EPHA7: variants seen among roughly 807,000 people sequenced by gnomAD.
EPHA7 encodes ephrin type-A receptor 7.
A neutral mutation model predicts 112.6 loss-of-function variants in EPHA7; 25 were observed. That is an observed-to-expected ratio of 0.22 (90% confidence interval 0.16 to 0.31). The LOEUF is 0.31. EPHA7 is among the 10% of genes least tolerant of loss of function. EPHA7 has a pLI of 1.00. For synonymous variants in EPHA7, 437 were observed against 406.5 expected, an observed-to-expected ratio of 1.07 and a Z score of -0.90; for missense variants, 962 against 1,212.6, an observed-to-expected ratio of 0.79 and a Z score of 3.07.
chr6:93,405,083 A>T (rs1219162553), intron 3 of EPHA7, among the ~76,000 whole-genome samples: 1 of 151,892 alleles, frequency 6.6e-6, no homozygotes, highest in Non-Finnish European at 1.5e-5. Flanking sequence ...AGATGTTTTG[A>T]ATTATAGACA....
chr6:93,378,557 T>C (rs1342062517), intron 3 of EPHA7, among the ~76,000 whole-genome samples: 1 of 152,124 alleles, frequency 6.6e-6, no homozygotes, highest in Non-Finnish European at 1.5e-5. Context: ...TCTACTCTTA[T>C]ACTTTTCACT....
rs183001112 is a variant in EPHA7, at chr6:93,402,998, C to T, written c.832+7503G>A. Among the ~76,000 whole-genome samples, 376 of 152,070 alleles carry T rather than the reference C, an allele frequency of 2.5e-3. 2 individuals carry two copies. The highest frequency in any genetic ancestry group is 7.8e-3 in the African/African-American group (323 of 41,530). Reference sequence around the variant, plus strand: ...ACAGTAAGAAAGCATGAGAATGTGACAATAGATAACAGTTATATTATCTTC... The same window carrying T: ...ACAGTAAGAAAGCATGAGAATGTGATAATAGATAACAGTTATATTATCTTC... On this transcript the variant is annotated intron_variant, in intron 3 of 16. Transcript: ENST00000369303.
rs180723922 is a variant in EPHA7, at chr6:93,302,453, C to T, written c.1325-30031G>A. ...AGACCTCATCATTACTCTTTTTATA[C>T]TTAACAATTTCCAGGGTGCCACTCT... On this transcript the variant is annotated intron_variant, in intron 5 of 16. Coordinates refer to ENST00000369303, the MANE Select transcript of EPHA7 (RefSeq NM_004440.4). Among the ~76,000 whole-genome samples the T allele has an allele frequency of 4.9e-4, 75 of 152,202 alleles. 1 individual carries two copies. Among genetic ancestry groups the T allele is most frequent in the African/African-American group, 1.6e-3 (65 of 41,540 alleles).
chr6:93,355,028 TCCAC>T (rs1775876088), intron 5 of EPHA7, among the ~76,000 whole-genome samples: 1 of 62,990 alleles, frequency 1.6e-5, no homozygotes, highest in Non-Finnish European at 2.7e-5. Context: ...ACGTTTCAAA[TCCAC>T]TCACTGCAAA....
intron 3 of EPHA7, among the ~76,000 whole-genome samples, chr6:93,375,306 CT>C (rs1776998431): frequency 6.6e-6 from 1 of 151,958 alleles, no homozygotes; most frequent in Non-Finnish European, 1.5e-5. Context: ...ACAAAAACAA[CT>C]TAACAAGACT....
chr6:93,242,665 G>C lies in EPHA7; in HGVS notation c.*761C>G, dbSNP rs1769739856. 4.5e-6 allele frequency: 1 copy of C among 220,328 alleles called. No homozygotes were observed. The highest frequency in any genetic ancestry group is 5.8e-5 in the Admixed American group (1 of 17,302). The allele number at this position is 220,328 out of a possible 1,614,324, so 13.6% of individuals were successfully genotyped here. On this transcript the variant is annotated 3_prime_UTR_variant, in exon 17 of 17. Transcript: ENST00000369303. ...GTTAAAAGTGCCTTATAGTATGTAT[G>C]GATCATTATTGCTTTTTTCATTGAA...
chr6:93,385,928 G>C (rs1352467892), intron 3 of EPHA7, among the ~76,000 whole-genome samples: 2 of 152,142 alleles, frequency 1.3e-5, no homozygotes, highest in Admixed American at 6.5e-5. Flanking sequence ...GAGAAGTGCA[G>C]AGTGGAGTCA....
chr6:93,263,855 C>G lies in EPHA7; in HGVS notation c.1798+5G>C. 6.2e-7 allele frequency: 1 copy of G among 1,608,608 alleles called. No individual in the cohort carries two copies. Among genetic ancestry groups the G allele is most frequent in the Non-Finnish European group, 8.5e-7 (1 of 1,176,614 alleles). Reference sequence around the variant, plus strand: ...CATCATAATAAAGAAAAGCCAAACACTTACAATGAAAGTAAAGCTCTTCAT... The same window carrying G: ...CATCATAATAAAGAAAAGCCAAACAGTTACAATGAAAGTAAAGCTCTTCAT... On this transcript the variant is annotated splice_donor_5th_base_variant and intron_variant, in intron 9 of 16. Transcript: ENST00000369303.
At chr6:93,370,639 C>A (rs1776741937) in intron 3 of EPHA7, among the ~76,000 whole-genome samples, 1 of 152,068 alleles carries the variant, frequency 6.6e-6, no homozygotes. Flanking sequence ...CATAAATACA[C>A]ATATATATTC....
rs375646884 is a variant in EPHA7 at position 93,255,900 on chromosome 6, G to A, written c.2310C>T (p.Leu770=). 13 of 1,614,010 alleles carry A rather than the reference G, an allele frequency of 8.1e-6. No individual in the cohort carries two copies. Among genetic ancestry groups the A allele is most frequent in the African/African-American group, 4.0e-5 (3 of 75,004 alleles). The change falls in exon 13 of 17, where the codon CTC becomes CTT. Residue 770 remains leucine (L), a synonymous_variant. Transcript: ENST00000369303. ...AARNILVNSN[L]VCKVSDFGLS... is the part of the protein sequence containing the mutation. ...GGCCAAAATCTGACACTTTACAAAC[G>A]AGATTGCTGTTGACAAGAATATTGC...
chr6:93,416,778 G>A (rs1779251233), intron 1 of EPHA7, among the ~76,000 whole-genome samples: 1 of 152,116 alleles, frequency 6.6e-6, no homozygotes, highest in Non-Finnish European at 1.5e-5. Flanking sequence ...AGTCCTGTGG[G>A]CCAACAGGTG....
chr6:93,346,120 A>C (rs1562112524), intron 5 of EPHA7, among the ~76,000 whole-genome samples: 1 of 151,590 alleles, frequency 6.6e-6, no homozygotes, highest in African/African-American at 2.4e-5. Flanking sequence ...AGTGCATAGG[A>C]ATTGGGATTG....
chr6:93,372,016 T>C (rs1776824893), intron 3 of EPHA7, among the ~76,000 whole-genome samples: 1 of 152,160 alleles, frequency 6.6e-6, no homozygotes, highest in Non-Finnish European at 1.5e-5. Flanking sequence ...CAATTTTTTT[T>C]CAACATTTAA....
At chr6:93,260,797 AACAAC>A in intron 9 of EPHA7, 1 of 950,376 alleles carries the variant, frequency 1.1e-6, no homozygotes, top group African/African-American at 1.8e-5. Context: ...TGAAAAAAAA[AACAAC>A]ACGAGAAGAA....
chr6:93,275,264 G>A (rs1771416032), intron 5 of EPHA7, among the ~76,000 whole-genome samples: 1 of 151,578 alleles, frequency 6.6e-6, no homozygotes, highest in South Asian at 2.1e-4. Flanking sequence ...TGTTGTAATT[G>A]GAATTATGTG....
intron 3 of EPHA7, among the ~76,000 whole-genome samples, chr6:93,389,399 C>T (rs1465622331): frequency 2.6e-5 from 4 of 152,132 alleles, no homozygotes; most frequent in African/African-American, 4.8e-5. Flanking sequence ...AAATAGCTTT[C>T]GCTTTCACAC....
intron 3 of EPHA7, among the ~76,000 whole-genome samples, chr6:93,385,024 T>C (rs895205152): frequency 6.6e-5 from 10 of 152,198 alleles, no homozygotes; most frequent in Admixed American, 2.0e-4. Flanking sequence ...AAGAAGATTA[T>C]AGCAATGTAT....
intron 3 of EPHA7, among the ~76,000 whole-genome samples, chr6:93,388,960 G>A (rs1352115524): frequency 2.0e-5 from 3 of 151,798 alleles, no homozygotes; most frequent in Non-Finnish European, 4.4e-5. Context: ...TAATGAAGGG[G>A]AGCAAGATCA....
At chr6:93,257,963 G>T in intron 11 of EPHA7, 136 bp downstream of exon 11, 2 of 783,804 alleles carry the variant, frequency 2.6e-6, no homozygotes, top group Non-Finnish European at 3.8e-6. Flanking sequence ...AGAATTTTTT[G>T]ATTAGTTACA....
Sources: gnomAD v4.1 joint callset for allele counts (sites outside exome capture counted in the v4.1 genomes callset) on GRCh38, gnomAD v4.1.1 for gene constraint, MANE v1.5 for transcripts, NCBI Gene and HGNC (gene_info 2026-07-23, HGNC 2026-07-21) for gene names.